PIK3C3: variants seen among roughly 807,000 people sequenced by gnomAD.
The protein encoded by PIK3C3 is PI3-kinase type 3.
In PIK3C3, 95 loss-of-function variants were observed where a neutral mutation model predicts 126.1. That is an observed-to-expected ratio of 0.75 (90% CI 0.64 to 0.89). The LOEUF (loss-of-function observed/expected upper bound fraction) is 0.89, where lower values mean the gene tolerates loss of function less well. Ranked by LOEUF, PIK3C3 falls within the 40% of genes least tolerant of loss-of-function variation. The probability of loss-of-function intolerance (pLI) is 0.00; values close to 1 mark genes in which losing one functional copy is unlikely to be tolerated. For missense variants in PIK3C3, 829 were observed against 1,063.2 expected (o/e 0.78, Z 3.06); for synonymous variants, 374 against 360.0 (o/e 1.04, Z -0.44).
intron 20 of PIK3C3, 47 bp from the exon 21 acceptor site, chr18:42,049,484 C>A: frequency 7.1e-7 from 1 of 1,402,914 alleles, no homozygotes; most frequent in Non-Finnish European, 1.0e-6. Context: ...GAATGTATAA[C>A]CTGGTTTGCA....
intron 19 of PIK3C3, among the ~76,000 whole-genome samples, chr18:42,041,720 T>G (rs998783337): frequency 4.6e-5 from 7 of 152,204 alleles, no homozygotes; most frequent in African/African-American, 1.4e-4. Flanking sequence ...ATTGTTCCAT[T>G]TATTCAGTAT....
At chr18:41,988,570 T>C (rs1159536070) in intron 5 of PIK3C3, among the ~76,000 whole-genome samples, 1 of 152,164 alleles carries the variant, frequency 6.6e-6, no homozygotes, top group African/African-American at 2.4e-5. Context: ...AATTTGTGAT[T>C]TGTCTAATTT....
intron 14 of PIK3C3, among the ~76,000 whole-genome samples, chr18:42,028,495 T>A (rs1244475660): frequency 6.6e-6 from 1 of 152,202 alleles, no homozygotes; most frequent in Non-Finnish European, 1.5e-5. Context: ...AATAGTCTAT[T>A]TCATGGCATC....
intron 4 of PIK3C3, among the ~76,000 whole-genome samples, chr18:41,984,583 A>G (rs1981373013): frequency 1.3e-5 from 2 of 152,182 alleles, no homozygotes; most frequent in Non-Finnish European, 2.9e-5. Context: ...TGGAGAGGTG[A>G]AGGAGATTAT....
Position 41,987,869 on chromosome 18 carries a change from A to G in PIK3C3, c.589A>G (p.Thr197Ala), listed in dbSNP as rs768302758. ...MVKVDWLDRLTFREIEMINES... is the reference protein window; with the variant it reads ...MVKVDWLDRLAFREIEMINES... ...GAAAGTAGATTGGCTGGATAGATTG[A>G]CATTTAGAGAAATAGAAATGATAAA... Residue 197 changes from threonine (T) to alanine (A), a missense_variant, in exon 5 of 25, where the codon ACA becomes GCA. Around this residue, in one of 4 missense-constraint regions of PIK3C3, gnomAD observed 313 missense variants for 340.7 expected, o/e 0.92. Coordinates refer to ENST00000262039, the MANE Select transcript of PIK3C3 (RefSeq NM_002647.4). 5 of 1,599,746 alleles carry G rather than the reference A, an allele frequency of 3.1e-6. No individual in the cohort carries two copies. In the South Asian group the frequency reaches 5.6e-5, roughly 18 times the overall value.
At chr18:42,030,740 G>A (rs1983786025) in intron 15 of PIK3C3, among the ~76,000 whole-genome samples, 1 of 152,154 alleles carries the variant, frequency 6.6e-6, no homozygotes, top group Admixed American at 6.5e-5. Context: ...TCTCCCCAGA[G>A]GTGGCTGTGT....
At chr18:42,048,475 T>C (rs1172509390) in intron 20 of PIK3C3, among the ~76,000 whole-genome samples, 1 of 152,216 alleles carries the variant, frequency 6.6e-6, no homozygotes, top group Non-Finnish European at 1.5e-5. Flanking sequence ...TGAACAATAC[T>C]ATTAATTCTT....
intron 16 of PIK3C3, 76 bp downstream of exon 16, chr18:42,034,033 AC>A: frequency 1.0e-6 from 1 of 983,114 alleles, no homozygotes; most frequent in Non-Finnish European, 1.5e-6. Flanking sequence ...ACCTTGGAAA[AC>A]TATTACATTG....
intron 4 of PIK3C3, among the ~76,000 whole-genome samples, chr18:41,975,940 T>G (rs1772495319): frequency 6.6e-6 from 1 of 152,206 alleles, no homozygotes; most frequent in African/African-American, 2.4e-5. Context: ...GACCTCGTGA[T>G]CTGCCTGCCT....
At chr18:42,030,311 T>C (rs1315306201) in intron 15 of PIK3C3, among the ~76,000 whole-genome samples, 1 of 152,164 alleles carries the variant, frequency 6.6e-6, no homozygotes, top group African/African-American at 2.4e-5. Context: ...ACTTGATGGG[T>C]AGAAGTGAAT....
intron 16 of PIK3C3, among the ~76,000 whole-genome samples, chr18:42,035,715 G>C (rs908202136): frequency 3.9e-5 from 6 of 152,194 alleles, no homozygotes; most frequent in African/African-American, 1.4e-4. Context: ...GATGGATTAT[G>C]CACTTCAGAA....
chr18:42,050,834 G>C (rs986712201), intron 21 of PIK3C3: 6 of 152,210 alleles, frequency 3.9e-5, no homozygotes, highest in Non-Finnish European at 8.8e-5. Flanking sequence ...TCCTGCCTCA[G>C]ACAAGAGCCT....
At position 41,977,842 on chromosome 18, in the gene PIK3C3, G is replaced by A. The variant is rs1032690282; in HGVS notation, c.531+7386G>A. ...AAAATGATGCAGCTATGATGGTAAC[G>A]AAGTCTCATTCATTCAGCTCAGGCT... is the stretch of plus-strand genomic sequence containing the variant. On this transcript the variant is annotated intron_variant, in intron 4 of 24. Transcript: ENST00000262039. Among the ~76,000 whole-genome samples, 8 of 152,278 alleles carry A rather than the reference G, an allele frequency of 5.3e-5. No individual in the cohort carries two copies. The East Asian group carries it at 5.8e-4, about 11-fold the overall frequency.
At chr18:41,961,047 G>A (rs1446172911) in intron 2 of PIK3C3, among the ~76,000 whole-genome samples, 2 of 151,974 alleles carry the variant, frequency 1.3e-5, no homozygotes, top group South Asian at 2.1e-4. Flanking sequence ...CAGAAGCCTC[G>A]TATATAAAAC....
intron 20 of PIK3C3, among the ~76,000 whole-genome samples, chr18:42,044,338 A>G (rs1049042835): frequency 9.2e-5 from 14 of 152,020 alleles, no homozygotes; most frequent in African/African-American, 3.4e-4. Context: ...TCAGGCATTT[A>G]TGTCTAACTT....
In PIK3C3 at chr18:42,027,470, A is replaced by G. The variant is rs989831894; in HGVS notation, c.1512A>G (p.Gln504=). ...YWYVIVECED[Q]DTQQRDPKTH... ...ATGTGATAGTGGAATGTGAAGATCA[A>G]GATACTCAGCAGAGAGATCCAAAGA... Residue 504 remains glutamine (Q), a synonymous_variant, in exon 14 of 25, where the codon CAA becomes CAG. Transcript: ENST00000262039. 1 of 1,607,418 alleles carries G rather than the reference A, an allele frequency of 6.2e-7. No homozygotes were observed. The highest frequency in any genetic ancestry group is 8.5e-7 in the Non-Finnish European group (1 of 1,174,594).
intron 22 of PIK3C3, chr18:42,059,731 C>T (rs1246143204): frequency 6.6e-6 from 1 of 151,258 alleles, no homozygotes; most frequent in African/African-American, 2.4e-5. Flanking sequence ...AAAAATTTCC[C>T]TGTACTTAAT....
At chr18:42,055,776 A>G (rs1985036748) in intron 21 of PIK3C3, among the ~76,000 whole-genome samples, 1 of 152,114 alleles carries the variant, frequency 6.6e-6, no homozygotes, top group Non-Finnish European at 1.5e-5. Context: ...TTGATGTTGG[A>G]CACGTTTAAT....
At chr18:42,011,046 C>T (rs1982799691) in intron 10 of PIK3C3, among the ~76,000 whole-genome samples, 1 of 152,146 alleles carries the variant, frequency 6.6e-6, no homozygotes, top group Non-Finnish European at 1.5e-5. Flanking sequence ...AACAGTGGGT[C>T]TCAACAGTGG....
Sources: gnomAD v4.1 joint callset for allele counts (sites outside exome capture counted in the v4.1 genomes callset) on GRCh38, gnomAD v4.1.1 for gene constraint, gnomAD v4.1.1 regional missense constraint, MANE v1.5 for transcripts, NCBI Gene and HGNC (gene_info 2026-07-23, HGNC 2026-07-21) for gene names.